Variants in FBXL4 observed in about 807,000 individuals in gnomAD.
FBXL4 encodes F-box and leucine rich repeat protein 4.
In FBXL4, 40 loss-of-function variants were observed where a neutral mutation model predicts 58.9. The observed-to-expected ratio is 0.68, with a 90% CI of 0.53 to 0.88. FBXL4 has a LOEUF of 0.88. FBXL4 is among the 40% of genes least tolerant of loss of function. The pLI, the probability that FBXL4 is intolerant of heterozygous loss-of-function variation, is 0.00. For missense variants in FBXL4, 676 were observed against 734.4 expected (o/e 0.92, Z 0.92); for synonymous variants, 263 against 265.5 (o/e 0.99, Z 0.09).
chr6:98,875,247 C>T (rs1486960386), intron 9 of FBXL4, 168 bp downstream of exon 9: 23 of 648,520 alleles, frequency 3.5e-5, no homozygotes, highest in Non-Finnish European at 6.3e-5. Flanking sequence ...TATAATTATT[C>T]CCTATATTAA....
intron 2 of FBXL4, among the ~76,000 whole-genome samples, chr6:98,932,166 C>A (rs1773037867): frequency 6.6e-6 from 1 of 152,154 alleles, no homozygotes; most frequent in African/African-American, 2.4e-5. Context: ...TAAGGACTCA[C>A]AACATATAAA....
intron 5 of FBXL4, among the ~76,000 whole-genome samples, chr6:98,913,185 C>T (rs1395338238): frequency 6.6e-6 from 1 of 152,184 alleles, no homozygotes; most frequent in East Asian, 1.9e-4. Flanking sequence ...AGCAAGTCCT[C>T]AGTGACCTAA....
intron 5 of FBXL4, among the ~76,000 whole-genome samples, chr6:98,913,955 C>A (rs191643667): frequency 5.3e-5 from 8 of 152,038 alleles, no homozygotes; most frequent in African/African-American, 1.9e-4. Context: ...AAGAATCAAA[C>A]GGACTCAATA....
In FBXL4 at chr6:98,905,619, C is replaced by A. The variant is rs1234969874; in HGVS notation, c.910G>T (p.Ala304Ser). 1.2e-6 allele frequency: 2 copies of A among 1,612,800 alleles called. No individual in the cohort carries two copies. The highest frequency in any genetic ancestry group is 2.2e-5 in the South Asian group (2 of 91,000). ...HLTLPDLCRL[A>S]QTCKLLSQHC... ...TGGCTCAGTAGTTTGCAAGTCTGTG[C>A]TAATCTACACAGGTCTGGTAGTGTA... Residue 304 changes from alanine (A) to serine (S), a missense_variant, in exon 6 of 10, where the codon GCA becomes TCA. By Grantham distance (99) the Ala-to-Ser change is moderately conservative. Coordinates refer to ENST00000369244, the MANE Select transcript of FBXL4 (RefSeq NM_001278716.2).
intron 6 of FBXL4, among the ~76,000 whole-genome samples, chr6:98,901,381 T>C (rs927568359): frequency 6.6e-6 from 1 of 151,816 alleles, no homozygotes; most frequent in Non-Finnish European, 1.5e-5. Flanking sequence ...AGGCGCAAAA[T>C]GATGGCGAGA....
intron 5 of FBXL4, among the ~76,000 whole-genome samples, chr6:98,910,508 T>G (rs935938717): frequency 1.3e-5 from 2 of 151,750 alleles, no homozygotes; most frequent in African/African-American, 4.8e-5. Flanking sequence ...AAAAAAAAAG[T>G]TAGCCAGGCA....
At chr6:98,884,841 A>G (rs1770979476) in intron 7 of FBXL4, among the ~76,000 whole-genome samples, 2 of 152,172 alleles carry the variant, frequency 1.3e-5, no homozygotes, top group African/African-American at 4.8e-5. Context: ...ACACTGGAGT[A>G]TAACACTGGA....
intron 4 of FBXL4, among the ~76,000 whole-genome samples, chr6:98,919,779 T>C (rs1772508595): frequency 6.6e-6 from 1 of 152,222 alleles, no homozygotes; most frequent in African/African-American, 2.4e-5. Context: ...TAATTTTGGA[T>C]ACCTTATTTC....
At position 98,926,677 on chromosome 6, in the gene FBXL4, C is replaced by A; in HGVS notation, c.312G>T (p.Trp104Cys). 6.2e-7 allele frequency: 1 copy of A among 1,614,130 alleles called. No homozygotes were observed. Among genetic ancestry groups the A allele is most frequent in the Non-Finnish European group, 8.5e-7 (1 of 1,180,004 alleles). ...GCAAGGAAGCACTAGGACACTGATC[C>A]CACCATGTCCCATAAGTTCGAAACA... Reference protein sequence around the residue: ...TAVFRTYGTWWDQCPSASLPF... With the variant: ...TAVFRTYGTWCDQCPSASLPF... The change falls in exon 4 of 10, where the codon TGG (tryptophan) becomes TGT (cysteine). Residue 104 changes from tryptophan to cysteine, a missense_variant. Trp to Cys is a radical substitution (Grantham distance 215, BLOSUM62 -2). Transcript: ENST00000369244.
intron 6 of FBXL4, among the ~76,000 whole-genome samples, chr6:98,904,829 G>T (rs555333704): frequency 6.6e-6 from 1 of 152,274 alleles, no homozygotes; most frequent in South Asian, 2.1e-4. Flanking sequence ...ATATGCACTT[G>T]TGCAAGCTTT....
chr6:98,897,460 G>T, intron 7 of FBXL4: 4 of 562,436 alleles, frequency 7.1e-6, no homozygotes, highest in Non-Finnish European at 9.0e-6. Flanking sequence ...CTTATTGCTG[G>T]CAGGGCTAGA....
chr6:98,870,051 TAACA>T lies in FBXL4; in HGVS notation c.*4223_*4226del, dbSNP rs1043158603. 2.0e-5 allele frequency: 3 copies of T among 152,344 alleles called. No homozygotes were observed. The highest frequency in any genetic ancestry group is 1.9e-4 in the East Asian group (1 of 5,190). The allele number at this position is 152,344 out of a possible 1,614,324, so 9.4% of individuals were successfully genotyped here. Reference sequence around the variant, plus strand: ...CAATGCATCACCTGGCTTCAAAATTTAACAAACAAAGAGTCTACATAAATATCTT... The same window carrying T: ...CAATGCATCACCTGGCTTCAAAATTTAACAAAGAGTCTACATAAATATCTT... On this transcript the variant is annotated 3_prime_UTR_variant, in exon 10 of 10. Coordinates refer to ENST00000369244, the MANE Select transcript of FBXL4 (RefSeq NM_001278716.2).
intron 1 of FBXL4, among the ~76,000 whole-genome samples, chr6:98,940,904 G>A (rs1171137442): frequency 6.6e-6 from 1 of 152,144 alleles, no homozygotes; most frequent in African/African-American, 2.4e-5. Flanking sequence ...GAAGACCTGG[G>A]AAGAGTTAAC....
At chr6:98,912,894 G>A (rs573290183) in intron 5 of FBXL4, among the ~76,000 whole-genome samples, 2 of 152,004 alleles carry the variant, frequency 1.3e-5, no homozygotes, top group African/African-American at 2.4e-5. Context: ...ATTGGATAAA[G>A]AGTCAAGACC....
chr6:98,878,969 C>T (rs1386174305), intron 8 of FBXL4, among the ~76,000 whole-genome samples: 1 of 152,152 alleles, frequency 6.6e-6, no homozygotes, highest in Admixed American at 6.5e-5. Context: ...GCTCCCAAGA[C>T]TGTTTCTAGA....
chr6:98,899,569 C>T, intron 6 of FBXL4, 88 bp from the exon 7 acceptor site: 1 of 1,372,100 alleles, frequency 7.3e-7, no homozygotes, highest in Non-Finnish European at 9.8e-7. Flanking sequence ...TAAGTAGATA[C>T]ATTTGAAAGA....
rs953154129 is a variant in FBXL4, at chr6:98,905,300, A to G, written c.1103+126T>C. ...GCATTCTAAACATGACACTCAAAAT[A>G]TATTTCCTTTTTATTTTTGTAAGTA... On this transcript the variant is annotated intron_variant, in intron 6 of 9. Coordinates refer to ENST00000369244, the MANE Select transcript of FBXL4 (RefSeq NM_001278716.2). The G allele has an allele frequency of 2.8e-5, 32 of 1,162,770 alleles. No individual in the cohort carries two copies. In the African/African-American group the frequency reaches 4.2e-4, roughly 15 times the overall value. The allele number at this position is 1,162,770 out of a possible 1,614,324, so 72.0% of individuals were successfully genotyped here.
At chr6:98,890,138 TTA>T (rs1235855431) in intron 7 of FBXL4, among the ~76,000 whole-genome samples, 2 of 152,194 alleles carry the variant, frequency 1.3e-5, no homozygotes, top group Non-Finnish European at 2.9e-5. Flanking sequence ...TACAACTAGT[TTA>T]TGACTTTTTT....
intron 2 of FBXL4, among the ~76,000 whole-genome samples, chr6:98,930,029 C>T (rs1341991323): frequency 6.6e-6 from 1 of 152,166 alleles, no homozygotes; most frequent in Non-Finnish European, 1.5e-5. Flanking sequence ...ACTTTAGGAC[C>T]TGGTAAGAGC....
Sources: allele counts gnomAD v4.1 joint callset (sites outside exome capture counted in the v4.1 genomes callset), GRCh38; gene constraint gnomAD v4.1.1; transcripts MANE v1.5; gene names NCBI Gene and HGNC (gene_info 2026-07-23, HGNC 2026-07-21).